Variants in PRELID2 observed in about 807,000 individuals in gnomAD.
PRELID2 encodes the protein PRELI domain containing 2, also known as PRELI domain-containing protein 2.
In PRELID2, 25 loss-of-function variants were observed where a neutral mutation model predicts 28.4. That is an observed-to-expected ratio of 0.88 (90% CI 0.64 to 1.23). PRELID2 has a LOEUF of 1.23. Among genes scored for constraint, PRELID2 ranks in the 50% most tolerant of loss-of-function variants. The pLI is 0.00. For synonymous variants in PRELID2, 76 were observed against 71.6 expected (o/e 1.06, Z -0.31); for missense variants, 201 against 214.4 (o/e 0.94, Z 0.39).
chr5:145,505,239 T>A (rs535017854), intron 1 of PRELID2, among the ~76,000 whole-genome samples: 28 of 152,280 alleles, frequency 1.8e-4, no homozygotes, highest in South Asian at 1.0e-3. Context: ...AAAACACATT[T>A]ACTACCATCC....
At chr5:145,467,283 A>G (rs908651615), downstream of PRELID2, among the ~76,000 whole-genome samples, 1 of 152,158 alleles carries the variant, frequency 6.6e-6, no homozygotes, top group African/African-American at 2.4e-5. Flanking sequence ...CTCCATCTGC[A>G]TCATGGAATT....
intron 1 of PRELID2, among the ~76,000 whole-genome samples, chr5:145,559,944 A>G (rs575395374): frequency 6.6e-6 from 1 of 152,328 alleles, no homozygotes; most frequent in Non-Finnish European, 1.5e-5. Flanking sequence ...TGGTGGGGTC[A>G]TGTTCCAATA....
chr5:145,709,483 C>T (rs1755632140), intron 1 of PRELID2, among the ~76,000 whole-genome samples: 1 of 151,766 alleles, frequency 6.6e-6, no homozygotes, highest in Admixed American at 6.6e-5. Flanking sequence ...CATGCAAGTG[C>T]AAGACTGGCC....
At chr5:145,810,865 C>A (rs994104884) in intron 4 of PRELID2, among the ~76,000 whole-genome samples, 1 of 152,026 alleles carries the variant, frequency 6.6e-6, no homozygotes, top group Non-Finnish European at 1.5e-5. Flanking sequence ...TGTACAAGGG[C>A]ACATAGTTAC....
At chr5:145,744,533 G>A (rs1454395376) in intron 1 of PRELID2, among the ~76,000 whole-genome samples, 1 of 152,162 alleles carries the variant, frequency 6.6e-6, no homozygotes, top group Non-Finnish European at 1.5e-5. Flanking sequence ...GCCTTCTTGA[G>A]TGACATCGCC....
rs115462399 is a variant in PRELID2 at position 145,756,863 on chromosome 5, G to C, written c.*3673C>G. Among the ~76,000 whole-genome samples the C allele has an allele frequency of 0.014, 2,173 of 152,226 alleles. 32 individuals are homozygous for C. The highest frequency in any genetic ancestry group is 0.021 in the Non-Finnish European group (1,456 of 68,008). The stretch of plus-strand genomic sequence containing the variant: ...ACAGTAATGGGAGAGATAAATGACA[G>C]ATAAAAGTGAGGGAAAAGAAAAACT... On this transcript the variant is annotated 3_prime_UTR_variant, in exon 7 of 7. Transcript: ENST00000683046.
the PRELID2 span, among the ~76,000 whole-genome samples, chr5:145,401,641 C>T: frequency 6.6e-6 from 1 of 152,140 alleles, no homozygotes; most frequent in Non-Finnish European, 1.5e-5. Flanking sequence ...TATCCTCCAC[C>T]TCCTGCTCAG....
At chr5:145,662,219 G>C (rs540537898) in intron 1 of PRELID2, among the ~76,000 whole-genome samples, 1 of 152,002 alleles carries the variant, frequency 6.6e-6, no homozygotes, top group East Asian at 1.9e-4. Flanking sequence ...TCCGTTCTTT[G>C]GCAACAAGTA....
the PRELID2 span, among the ~76,000 whole-genome samples, chr5:145,350,378 G>GACAA: frequency 2.6e-5 from 4 of 152,272 alleles, no homozygotes; most frequent in South Asian, 8.3e-4. Flanking sequence ...GCAGGTAAGA[G>GACAA]ACAAGAAAGG....
intron 1 of PRELID2, among the ~76,000 whole-genome samples, chr5:145,505,514 G>A (rs746869357): frequency 3.9e-5 from 6 of 151,994 alleles, no homozygotes; most frequent in Non-Finnish European, 8.8e-5. Flanking sequence ...TTTTGTTCTT[G>A]ACAAACTATA....
intron 1 of PRELID2, among the ~76,000 whole-genome samples, chr5:145,736,394 A>T (rs941430566): frequency 4.1e-5 from 2 of 48,816 alleles, no homozygotes; most frequent in Non-Finnish European, 5.8e-5. Flanking sequence ...AAGAACACAC[A>T]GCTCTATCTA....
At chr5:145,610,830 G>GA (rs1277553677) in intron 1 of PRELID2, among the ~76,000 whole-genome samples, 1 of 151,864 alleles carries the variant, frequency 6.6e-6, no homozygotes, top group African/African-American at 2.4e-5. Flanking sequence ...AAAATACAGA[G>GA]AAAATATCAA....
chr5:145,749,215 T>C (rs769360590), intron 1 of PRELID2, among the ~76,000 whole-genome samples: 3 of 152,152 alleles, frequency 2.0e-5, no homozygotes, highest in African/African-American at 7.2e-5. Flanking sequence ...TTTTGAAATC[T>C]ACCCATCTGA....
intron 1 of PRELID2, among the ~76,000 whole-genome samples, chr5:145,691,547 TACAA>T (rs544049358): frequency 3.3e-5 from 5 of 151,998 alleles, no homozygotes; most frequent in Admixed American, 2.6e-4. Context: ...CTACTAAAAA[TACAA>T]ACAAACAAAC....
At chr5:145,266,734 G>T in the PRELID2 span, among the ~76,000 whole-genome samples, 1 of 152,122 alleles carries the variant, frequency 6.6e-6, no homozygotes, top group Non-Finnish European at 1.5e-5. Context: ...AAAGATACTT[G>T]CACACATGTG....
At chr5:145,445,597 A>C in the PRELID2 span, among the ~76,000 whole-genome samples, 1 of 152,248 alleles carries the variant, frequency 6.6e-6, no homozygotes, top group Non-Finnish European at 1.5e-5. Context: ...AATATCAAAA[A>C]GGGAAGAAAA....
chr5:145,553,008 C>A (rs954258202), intron 1 of PRELID2, among the ~76,000 whole-genome samples: 1 of 152,130 alleles, frequency 6.6e-6, no homozygotes. Context: ...CTCCTTCTAC[C>A]TTTTGCAGAT....
At chr5:145,708,118 G>A (rs971058697) in intron 1 of PRELID2, among the ~76,000 whole-genome samples, 2 of 152,100 alleles carry the variant, frequency 1.3e-5, no homozygotes, top group Non-Finnish European at 2.9e-5. Context: ...CACTCTTGGG[G>A]TGGTTGGGGG....
At chr5:145,243,981 C>T in the PRELID2 span, among the ~76,000 whole-genome samples, 1 of 152,186 alleles carries the variant, frequency 6.6e-6, no homozygotes, top group Non-Finnish European at 1.5e-5. Flanking sequence ...TGGAGTCAGT[C>T]TTGCTCTGTT....
Sources: gnomAD v4.1 joint callset for allele counts (sites outside exome capture counted in the v4.1 genomes callset) on GRCh38, gnomAD v4.1.1 for gene constraint, MANE v1.5 for transcripts, NCBI Gene and HGNC (gene_info 2026-07-23, HGNC 2026-07-21) for gene names.